CHRNB1: variants seen among roughly 807,000 people sequenced by gnomAD.
The protein encoded by CHRNB1 is cholinergic receptor nicotinic beta 1 subunit, also known as acetylcholine receptor subunit beta.
Under a neutral mutation model 53.8 loss-of-function variants are expected in CHRNB1, and 47 were observed. That is an observed-to-expected ratio of 0.87 (90% CI 0.69 to 1.11). The LOEUF (loss-of-function observed/expected upper bound fraction) is 1.11. CHRNB1 is among the 50% of genes most tolerant of loss of function. The pLI is 0.00. For synonymous variants in CHRNB1, 259 were observed against 263.5 expected, an observed-to-expected ratio of 0.98 and a Z score of 0.16; for missense variants, 605 against 654.9, an observed-to-expected ratio of 0.92 and a Z score of 0.83.
chr17:7,447,244 C>T lies in CHRNB1; in HGVS notation c.462+93C>T, dbSNP rs2302766. The T allele has an allele frequency of 2.1e-3, 2,260 of 1,093,556 alleles. 50 individuals carry two copies. In the East Asian group the frequency reaches 0.047, roughly 23 times the overall value. The allele number at this position is 1,093,556 out of a possible 1,614,324, so 67.7% of individuals were successfully genotyped here. ...CTCCCCGGCGACTCCCATCCTTCAT[C>T]CTTCCCCCATTATCTAATCCCCATG... is the stretch of plus-strand genomic sequence containing the variant. On this transcript the variant is annotated intron_variant, in intron 5 of 10. Transcript: ENST00000306071.
intron 7 of CHRNB1, among the ~76,000 whole-genome samples, chr17:7,450,072 T>TAAAG (rs1423403638): frequency 7.4e-6 from 1 of 135,662 alleles, no homozygotes; most frequent in Non-Finnish European, 1.6e-5. Context: ...AATAAATAAA[T>TAAAG]AAATAAATAA....
intron 7 of CHRNB1, among the ~76,000 whole-genome samples, chr17:7,452,502 T>C (rs763253494): frequency 6.6e-6 from 1 of 152,144 alleles, no homozygotes; most frequent in Non-Finnish European, 1.5e-5. Flanking sequence ...GGTGGTGATG[T>C]AGGAGGTGGG....
At chr17:7,447,279 T>A in intron 5 of CHRNB1, 128 bp downstream of exon 5, 6 of 935,058 alleles carry the variant, frequency 6.4e-6, no homozygotes, top group Non-Finnish European at 1.0e-5. Context: ...GACCCTCACC[T>A]CGTCTACCCT....
intron 3 of CHRNB1, 144 bp from the exon 4 acceptor site, chr17:7,446,683 GGAGCCA>G (rs748533683): frequency 8.0e-4 from 512 of 641,408 alleles, no homozygotes; most frequent in Non-Finnish European, 1.1e-3. Context: ...GAGTGAAGGC[GGAGCCA>G]GAGCCAGAAC....
At chr17:7,452,038 A>G (rs936093841) in intron 7 of CHRNB1, among the ~76,000 whole-genome samples, 4 of 147,076 alleles carry the variant, frequency 2.7e-5, no homozygotes, top group Non-Finnish European at 6.0e-5. Context: ...ATCTGATTCT[A>G]TTTCTTTCTT....
intron 7 of CHRNB1, among the ~76,000 whole-genome samples, chr17:7,449,603 T>A (rs906770389): frequency 9.9e-5 from 15 of 151,488 alleles, no homozygotes; most frequent in African/African-American, 3.4e-4. Context: ...AGAGAAAGGG[T>A]TTCACCATGT....
intron 7 of CHRNB1, among the ~76,000 whole-genome samples, chr17:7,448,993 TA>T (rs1908776914): frequency 1.3e-5 from 2 of 152,062 alleles, no homozygotes; most frequent in South Asian, 4.1e-4. Context: ...TCCTAGCCTC[TA>T]ATCCATAAAG....
intron 3 of CHRNB1, 34 bp from the exon 4 acceptor site, chr17:7,446,799 A>G (rs1597748851): frequency 6.4e-7 from 1 of 1,573,540 alleles, no homozygotes; most frequent in Non-Finnish European, 8.7e-7. Context: ...CCGGCCTCCA[A>G]CCCGGGGCAG....
At chr17:7,456,109 C>T (rs2069948585) in intron 10 of CHRNB1, among the ~76,000 whole-genome samples, 168 bp downstream of exon 10, 1 of 131,416 alleles carries the variant, frequency 7.6e-6, no homozygotes, top group African/African-American at 3.0e-5. Context: ...GGCTGGAGTG[C>T]AGTGGCTCGA....
chr17:7,449,055 C>T (rs1308262729), intron 7 of CHRNB1, among the ~76,000 whole-genome samples: 1 of 152,062 alleles, frequency 6.6e-6, no homozygotes, highest in South Asian at 2.1e-4. Flanking sequence ...CTCTCCCATT[C>T]CCTTTCCCAA....
intron 6 of CHRNB1, among the ~76,000 whole-genome samples, chr17:7,448,322 G>T (rs1424786005): frequency 1.3e-5 from 2 of 152,028 alleles, no homozygotes; most frequent in African/African-American, 4.8e-5. Flanking sequence ...GGAGGCGGAG[G>T]TTGCAGTGAG....
chr17:7,453,317 C>T (rs1009446806), intron 7 of CHRNB1, among the ~76,000 whole-genome samples: 2 of 152,082 alleles, frequency 1.3e-5, no homozygotes, highest in Admixed American at 1.3e-4. Flanking sequence ...TGGGGTTTCA[C>T]TATGTTGGCC....
rs1002146344 is a variant in CHRNB1 at position 7,448,501 on chromosome 17, TG to T, written c.611-77del. ...CAAGTCAGCCCTCTCAGGTCTAGGC[TG>T]TGGCAGAGCAAGCCATACCTGGCAC... On this transcript the variant is annotated intron_variant, in intron 6 of 10. Coordinates refer to ENST00000306071, the MANE Select transcript of CHRNB1 (RefSeq NM_000747.3). 9 of 1,395,050 alleles carry T rather than the reference TG, an allele frequency of 6.5e-6. No individual in the cohort carries two copies. In the Admixed American group the frequency reaches 1.2e-4, roughly 19 times the overall value. The allele number at this position is 1,395,050 out of a possible 1,614,324, so 86.4% of individuals were successfully genotyped here.
Position 7,446,903 on chromosome 17 carries a change from C to G in CHRNB1, c.314C>G (p.Ala105Gly). Reference protein sequence around the residue: ...HDGIDSLRITAESVWLPDVVL... With the variant: ...HDGIDSLRITGESVWLPDVVL... Reference sequence around the variant, plus strand: ...GGCATCGATTCGCTCCGCATCACGGCGGAATCCGTGTGGCTCCCTGACGTG... The same window carrying G: ...GGCATCGATTCGCTCCGCATCACGGGGGAATCCGTGTGGCTCCCTGACGTG... Residue 105 changes from alanine (A) to glycine (G), a missense_variant, in exon 4 of 11, where the codon GCG (alanine) becomes GGG (glycine). Physicochemically the swap from Ala to Gly is moderately conservative, Grantham distance 60 (BLOSUM62 0). Transcript: ENST00000306071. The G allele has an allele frequency of 3.1e-6, 5 of 1,610,916 alleles. No individual in the cohort carries two copies. Among genetic ancestry groups the G allele is most frequent in the Non-Finnish European group, 4.2e-6 (5 of 1,178,662 alleles).
At chr17:7,451,918 C>T (rs903953565) in intron 7 of CHRNB1, among the ~76,000 whole-genome samples, 1 of 152,224 alleles carries the variant, frequency 6.6e-6, no homozygotes, top group African/African-American at 2.4e-5. Flanking sequence ...CGCCGCCACC[C>T]ACACCAGGCT....
chr17:7,451,576 C>T (rs2150841002), intron 7 of CHRNB1, among the ~76,000 whole-genome samples: 1 of 152,138 alleles, frequency 6.6e-6, no homozygotes, highest in Middle Eastern at 3.4e-3. Context: ...CCACCCCGCC[C>T]AGCCTGTTAT....
Position 7,445,125 on chromosome 17 carries a change from G to T in CHRNB1, c.-3G>T. On this transcript the variant is annotated 5_prime_UTR_variant, in exon 1 of 11. Transcript: ENST00000306071. This position sits in a 1 kb window ranked among gnomAD's most constrained non-coding sequence, Gnocchi z 5.7. ...GCGAAGTCACTGAGCGAGCCGCCAG[G>T]CTATGACCCCAGGGGCTCTGCTGAT... 6 of 1,607,960 alleles carry T rather than the reference G, an allele frequency of 3.7e-6. No individual in the cohort carries two copies. The highest frequency in any genetic ancestry group is 5.1e-6 in the Non-Finnish European group (6 of 1,179,438).
Position 7,457,027 on chromosome 17 carries a change from A to G in CHRNB1, c.*304A>G, listed in dbSNP as rs1391525937. 7.9e-6 allele frequency: 3 copies of G among 380,174 alleles called. No individual in the cohort carries two copies. Among genetic ancestry groups the G allele is most frequent in the African/African-American group, 6.2e-5 (3 of 48,412 alleles). 23.6% of individuals were successfully genotyped at this position (380,174 alleles called of 1,614,324 possible). On this transcript the variant is annotated 3_prime_UTR_variant, in exon 11 of 11. Coordinates refer to ENST00000306071, the MANE Select transcript of CHRNB1 (RefSeq NM_000747.3). ...ATTATAAGCCTTATGAGGTCAAGAA[A>G]TGTGACTTGGCCGGGCGCGGTGGCT...
rs58239884 is a variant in CHRNB1, at chr17:7,446,327, CTGTGTGTGTGTGTGTGTG to C, written c.243+243_243+260del. Reference sequence around the variant, plus strand: ...TTTGTGTGTGTGTGTGTGTGTGTGTCTGTGTGTGTGTGTGTGTGTGTGTGTGTGTGTGTGTGTGTGTGT... The same window carrying C: ...TTTGTGTGTGTGTGTGTGTGTGTGTCTGTGTGTGTGTGTGTGTGTGTGTGT... On this transcript the variant is annotated intron_variant, in intron 3 of 10. Transcript: ENST00000306071. 24 of 235,142 alleles carry C rather than the reference CTGTGTGTGTGTGTGTGTG, an allele frequency of 1.0e-4. 1 individual carries two copies. Among genetic ancestry groups the C allele is most frequent in the Admixed American group, 5.3e-4 (9 of 16,900 alleles). The allele number at this position is 235,142 out of a possible 1,614,324, so 14.6% of individuals were successfully genotyped here.
Sources: allele counts gnomAD v4.1 joint callset (sites outside exome capture counted in the v4.1 genomes callset), GRCh38; gene constraint gnomAD v4.1.1; non-coding constraint Gnocchi (gnomAD v3.1); transcripts MANE v1.5; gene names NCBI Gene and HGNC (gene_info 2026-07-23, HGNC 2026-07-21).